The following RASGRP4 variants were observed in gnomAD, a reference collection of about 807,000 sequenced individuals.
The protein encoded by RASGRP4 is RAS guanyl-releasing protein 4.
A neutral mutation model predicts 84.4 loss-of-function variants in RASGRP4; 52 were observed. The ratio of observed to expected loss-of-function variants is 0.62; its 90% CI spans 0.49 to 0.78. The LOEUF (loss-of-function observed/expected upper bound fraction) is 0.78, where lower values mean the gene tolerates loss of function less well. Among genes scored for constraint, RASGRP4 ranks in the 30% least tolerant of loss-of-function variants. RASGRP4 has a pLI of 0.00. For missense variants in RASGRP4, 760 were observed against 886.9 expected (o/e 0.86, Z 1.82); for synonymous variants, 356 against 359.1 (o/e 0.99, Z 0.10).
chr19:38,421,248 T>C, intron 2 of RASGRP4, 48 bp from the exon 3 acceptor site: 4 of 1,333,556 alleles, frequency 3.0e-6, no homozygotes, highest in South Asian at 1.2e-5. Context: ...CCTCAAGCAA[T>C]GCAGAGCGTA....
rs943025637 is a variant in RASGRP4, at chr19:38,409,444, T to C, written c.*596A>G. 1 of 152,156 alleles carries C rather than the reference T, an allele frequency of 6.6e-6. No homozygotes were observed. Among genetic ancestry groups the C allele is most frequent in the Non-Finnish European group, 1.5e-5 (1 of 68,172 alleles). 9.4% of individuals were successfully genotyped at this position (152,156 alleles called of 1,614,324 possible). A position where few individuals can be genotyped will look rare whatever the true frequency, so the allele number is the denominator to read the frequency against. ...AGGCTGTCAGAGGGAGCACATTCTA[T>C]GCAGAAAAACAGGAGCTGGGCGTGG... is the stretch of plus-strand genomic sequence containing the variant. On this transcript the variant is annotated 3_prime_UTR_variant, in exon 17 of 17. Transcript: ENST00000615439.
Position 38,414,997 on chromosome 19 carries a change from G to T in RASGRP4, c.1081C>A (p.Leu361Met). The T allele has an allele frequency of 6.2e-7, 1 of 1,613,060 alleles. No homozygotes were observed. The highest frequency in any genetic ancestry group is 8.5e-7 in the Non-Finnish European group (1 of 1,179,604). Residue 361 changes from leucine to methionine, a missense_variant, in exon 9 of 17, where the codon CTG becomes ATG. Coordinates refer to ENST00000615439, the MANE Select transcript of RASGRP4 (RefSeq NM_170604.3). ...AACCTGTCGGGCTGTGCCTCATGCA[G>T]GGACACCAGGTCCTTGAGGTGCACG... is the stretch of plus-strand genomic sequence containing the variant. The part of the protein sequence containing the change: ...LGVHLKDLVS[L>M]HEAQPDRLPD...
Position 38,420,127 on chromosome 19 carries a change from T to G in RASGRP4, c.509+4A>C, listed in dbSNP as rs759941518. ...GGGAAGAGGGGAGCACAGGGCTGAC[T>G]CACAGGTCAGAAGAGTCTCCCAGTC... On this transcript the variant is annotated splice_donor_region_variant and intron_variant, in intron 5 of 16. Coordinates refer to ENST00000615439, the MANE Select transcript of RASGRP4 (RefSeq NM_170604.3). 15 of 1,612,168 alleles carry G rather than the reference T, an allele frequency of 9.3e-6. No individual in the cohort carries two copies. In the Admixed American group the frequency reaches 2.2e-4, roughly 23 times the overall value.
chr19:38,411,375 C>T lies in RASGRP4; in HGVS notation c.1687G>A (p.Gly563Ser), dbSNP rs1368485120. 6.3e-7 allele frequency: 1 copy of T among 1,578,496 alleles called. No individual in the cohort carries two copies. Among genetic ancestry groups the T allele is most frequent in the Admixed American group, 1.8e-5 (1 of 55,344 alleles). Residue 563 changes from glycine (G) to serine (S), a missense_variant, in exon 14 of 17, where the codon GGT (glycine) becomes AGT (serine). Transcript: ENST00000615439. ...FCDSCSGFLW[G>S]VTKQGYRCRE... is the part of the protein sequence containing the mutation. ...CAGCGGTAGCCTTGCTTGGTGACAC[C>T]CCAGAGCTGGGAAGAGAAAGGAGAA...
In RASGRP4 at chr19:38,419,985, G is replaced by A; in HGVS notation, c.538C>T (p.Leu180Phe). The change falls in exon 6 of 17, where the codon CTC becomes TTC. Residue 180 changes from leucine (L) to phenylalanine (F), a missense_variant. Coordinates refer to ENST00000615439, the MANE Select transcript of RASGRP4 (RefSeq NM_170604.3). Reference sequence around the variant, plus strand: ...CCCAGGCCTGGGCTGCTCATTGGGAGTGGGGGGCCAGGGCCACCAGGGCTC... The same window carrying A: ...CCCAGGCCTGGGCTGCTCATTGGGAATGGGGGGCCAGGGCCACCAGGGCTC... ...LLSPGGPGPP[L>F]PMSSPGLGKK... 6.2e-7 allele frequency: 1 copy of A among 1,613,982 alleles called. No individual in the cohort carries two copies. The highest frequency in any genetic ancestry group is 8.5e-7 in the Non-Finnish European group (1 of 1,179,832).
chr19:38,416,921 G>A, intron 8 of RASGRP4, 131 bp downstream of exon 8: 1 of 649,076 alleles, frequency 1.5e-6, no homozygotes, highest in East Asian at 2.7e-5. Context: ...TGGGGGTCTG[G>A]GATTTGGAGG....
rs1971306410 is a variant in RASGRP4 at position 38,412,587 on chromosome 19, G to A, written c.1680+85C>T. 2 of 1,308,688 alleles carry A rather than the reference G, an allele frequency of 1.5e-6. No individual in the cohort carries two copies. Among genetic ancestry groups the A allele is most frequent in the South Asian group, 1.4e-5 (1 of 71,738 alleles). The allele number at this position is 1,308,688 out of a possible 1,614,324, so 81.1% of individuals were successfully genotyped here. On this transcript the variant is annotated intron_variant, in intron 13 of 16. Coordinates refer to ENST00000615439, the MANE Select transcript of RASGRP4 (RefSeq NM_170604.3). This position sits in a 1 kb window ranked among gnomAD's most constrained non-coding sequence, Gnocchi z 4.6. The stretch of plus-strand genomic sequence containing the variant: ...GATGATTTGAAGCTGGAGGATTTCT[G>A]GAATTTGGGGGTTATCTGGGGTTTG...
At position 38,412,707 on chromosome 19, in the gene RASGRP4, G is replaced by A. The variant is rs1300344441; in HGVS notation, c.1645C>T (p.Arg549Ter). The stretch of plus-strand genomic sequence containing the variant: ...CAGCTGTCGCAGAAGGTAGGCTTTC[G>A]GAAGGTGACCTCATGGAAGGTGTGC... Reference protein sequence around the residue: ...FLHTFHEVTFRKPTFCDSCSG... With the variant: ...FLHTFHEVTF The change falls in exon 13 of 17, where the codon CGA becomes TGA. Residue 549 changes from arginine (R) to a stop codon, truncating the protein, a stop_gained. Coordinates refer to ENST00000615439, the MANE Select transcript of RASGRP4 (RefSeq NM_170604.3). LOFTEE classifies it high-confidence loss of function. This position sits in a 1 kb window ranked among gnomAD's most constrained non-coding sequence, Gnocchi z 4.6. 14 of 1,613,032 alleles carry A rather than the reference G, an allele frequency of 8.7e-6. No individual in the cohort carries two copies. The highest frequency in any genetic ancestry group is 3.3e-4 in the Middle Eastern group (2 of 6,084).
rs2145182802 is a variant in RASGRP4 at position 38,409,173 on chromosome 19, G to A, written c.*867C>T. The A allele has an allele frequency of 1.0e-5, 3 of 286,172 alleles. No individual in the cohort carries two copies. Among genetic ancestry groups the A allele is most frequent in the South Asian group, 1.4e-4 (2 of 13,860 alleles). 17.7% of individuals were successfully genotyped at this position (286,172 alleles called of 1,614,324 possible). ...GGGTCTCTGCTCCCTGGGACTGAAT[G>A]GGCCCCTGCTGCTCGACCCTCAAAG... is the stretch of plus-strand genomic sequence containing the variant. On this transcript the variant is annotated 3_prime_UTR_variant, in exon 17 of 17. Transcript: ENST00000615439.
At position 38,410,043 on chromosome 19, in the gene RASGRP4, G is replaced by A. The variant is rs1971157355; in HGVS notation, c.2019C>T (p.Ser673=). The change falls in exon 17 of 17, where the codon TCC becomes TCT. Residue 673 remains serine (S), a synonymous_variant. Transcript: ENST00000615439. ...PPSTASSKLD[S] ...AAGAGAGGAGACCAAGAGATGTCTA[G>A]GAATCCAGCTTGGAGGATGCAGTTG... 5.0e-6 allele frequency: 8 copies of A among 1,611,720 alleles called. No individual in the cohort carries two copies. The highest frequency in any genetic ancestry group is 5.9e-6 in the Non-Finnish European group (7 of 1,178,682).
At chr19:38,414,019 C>T (rs1971388785) in intron 9 of RASGRP4, among the ~76,000 whole-genome samples, 1 of 152,224 alleles carries the variant, frequency 6.6e-6, no homozygotes, top group Admixed American at 6.5e-5. Flanking sequence ...ACCTCCGCCT[C>T]CCAGGTTCAA....
At position 38,412,969 on chromosome 19, in the gene RASGRP4, G is replaced by A. The variant is rs1390661039; in HGVS notation, c.1497C>T (p.Pro499=). 6.2e-7 allele frequency: 1 copy of A among 1,614,034 alleles called. No homozygotes were observed. ...GTGGGTGAAGCCCATGGCAGGCGAA[G>A]GGAAAATTGCCCGAGAGTCGCTCAA... ...EDFERLSGNF[P]FACHGLHPPP... The change falls in exon 12 of 17, where the codon CCC becomes CCT. Residue 499 remains proline (P), a synonymous_variant. Coordinates refer to ENST00000615439, the MANE Select transcript of RASGRP4 (RefSeq NM_170604.3). The surrounding 1 kb of genome is among the most constrained non-coding windows in gnomAD (Gnocchi z 4.6).
In RASGRP4 at chr19:38,417,275, A is replaced by C; in HGVS notation, c.838-107T>G. The C allele has an allele frequency of 1.4e-6, 1 of 724,460 alleles. No homozygotes were observed. Among genetic ancestry groups the C allele is most frequent in the Non-Finnish European group, 2.5e-6 (1 of 406,310 alleles). 44.9% of individuals were successfully genotyped at this position (724,460 alleles called of 1,614,324 possible). On this transcript the variant is annotated intron_variant, in intron 7 of 16. Coordinates refer to ENST00000615439, the MANE Select transcript of RASGRP4 (RefSeq NM_170604.3). This position sits in a 1 kb window ranked among gnomAD's most constrained non-coding sequence, Gnocchi z 5.1. ...TGGGGTCCCAGGCATGTGTGGACCA[A>C]TGTGGGGATCAGACAGGTGAGAGAA... is the stretch of plus-strand genomic sequence containing the variant.
At position 38,426,174 on chromosome 19, in the gene RASGRP4, A is replaced by G; in HGVS notation, c.-83T>C. ...CCCTTGCCCAGGACTCCAGCTTCTC[A>G]GCCCCTAGGGAGCTGGGGCCTCCTC... On this transcript the variant is annotated 5_prime_UTR_variant, in exon 1 of 17. Transcript: ENST00000615439. 1 of 1,166,270 alleles carries G rather than the reference A, an allele frequency of 8.6e-7. No homozygotes were observed. The allele number at this position is 1,166,270 out of a possible 1,614,324, so 72.2% of individuals were successfully genotyped here. A position where few individuals can be genotyped will look rare whatever the true frequency, so the allele number is the denominator to read the frequency against.
In RASGRP4 at chr19:38,413,441, T is replaced by A; in HGVS notation, c.1264A>T (p.Ile422Phe). 1 of 1,605,010 alleles carries A rather than the reference T, an allele frequency of 6.2e-7. No individual in the cohort carries two copies. The highest frequency in any genetic ancestry group is 8.5e-7 in the Non-Finnish European group (1 of 1,175,766). The change falls in exon 10 of 17, where the codon ATC (isoleucine) becomes TTC (phenylalanine). Residue 422 changes from isoleucine (I) to phenylalanine (F), a missense_variant. Ile to Phe is a conservative substitution (Grantham distance 21, BLOSUM62 0). Coordinates refer to ENST00000615439, the MANE Select transcript of RASGRP4 (RefSeq NM_170604.3). The surrounding 1 kb of genome is among the most constrained non-coding windows in gnomAD (Gnocchi z 4.7). ...SLDLFYTEDE[I>F]YELSYAREPR... ...TCCCGGGCATAAGAAAGCTCATAGA[T>A]CTCGTCTTCCGTGTAGAAGAGGTCC... is the stretch of plus-strand genomic sequence containing the variant.
Position 38,417,281 on chromosome 19 carries a change from G to A in RASGRP4, c.838-113C>T. ...CCCAGGCATGTGTGGACCAATGTGG[G>A]GATCAGACAGGTGAGAGAAGGCGGG... On this transcript the variant is annotated intron_variant, in intron 7 of 16. Transcript: ENST00000615439. This position sits in a 1 kb window ranked among gnomAD's most constrained non-coding sequence, Gnocchi z 5.1. 2.9e-6 allele frequency: 2 copies of A among 701,546 alleles called. No homozygotes were observed. Among genetic ancestry groups the A allele is most frequent in the Non-Finnish European group, 5.1e-6 (2 of 388,580 alleles). The allele number at this position is 701,546 out of a possible 1,614,324, so 43.5% of individuals were successfully genotyped here.
intron 4 of RASGRP4, 38 bp from the exon 5 acceptor site, chr19:38,420,300 G>A: frequency 1.2e-6 from 2 of 1,604,292 alleles, no homozygotes. Context: ...GAGGCCGGGG[G>A]TGGCGAAGGT....
In RASGRP4 at chr19:38,417,389, G is replaced by A. The variant is rs180727251; in HGVS notation, c.838-221C>T. ...TATCTGAGCCGGGAGGGTCAAGCAAGTGATTGACTGATACGAGGTTAGAAA... is the reference window on the plus strand; with the variant it reads ...TATCTGAGCCGGGAGGGTCAAGCAAATGATTGACTGATACGAGGTTAGAAA... On this transcript the variant is annotated intron_variant, in intron 7 of 16. Transcript: ENST00000615439. This position sits in a 1 kb window ranked among gnomAD's most constrained non-coding sequence, Gnocchi z 5.1. Among the ~76,000 whole-genome samples, 145 of 152,272 alleles carry A rather than the reference G, an allele frequency of 9.5e-4. 1 individual carries two copies. The highest frequency in any genetic ancestry group is 1.9e-3 in the Non-Finnish European group (126 of 68,022).
intron 1 of RASGRP4, 21 bp from the exon 2 acceptor site, chr19:38,422,174 G>A (rs1283253660): frequency 1.9e-6 from 3 of 1,588,630 alleles, no homozygotes; most frequent in Non-Finnish European, 2.6e-6. Context: ...AGCCCCCAAG[G>A]AGTCATGGGA....
Sources: gnomAD v4.1 joint callset for allele counts (sites outside exome capture counted in the v4.1 genomes callset) on GRCh38, gnomAD v4.1.1 for gene constraint, Gnocchi (gnomAD v3.1) non-coding constraint, MANE v1.5 for transcripts, NCBI Gene and HGNC (gene_info 2026-07-23, HGNC 2026-07-21) for gene names.